CDC42BPA: variants seen among roughly 807,000 people sequenced by gnomAD.
CDC42BPA encodes CDC42 binding protein kinase alpha.
Under a neutral mutation model 223.5 loss-of-function variants are expected in CDC42BPA, and 80 were observed. That is an observed-to-expected ratio of 0.36 (90% CI 0.30 to 0.43). The LOEUF (loss-of-function observed/expected upper bound fraction) is 0.43. Ranked by LOEUF, CDC42BPA falls within the 20% of genes least tolerant of loss-of-function variation. CDC42BPA has a pLI of 1.00. For synonymous variants in CDC42BPA, 694 were observed against 718.6 expected (o/e 0.97, Z 0.55); for missense variants, 1,743 against 2,099.9 (o/e 0.83, Z 3.32).
intron 2 of CDC42BPA, among the ~76,000 whole-genome samples, chr1:227,253,235 A>AGC (rs1682354799): frequency 8.7e-6 from 1 of 114,758 alleles, no homozygotes. Flanking sequence ...GGAGGGAGAG[A>AGC]GAGAAAGAGA....
chr1:227,127,004 A>C (rs879515617), intron 11 of CDC42BPA, among the ~76,000 whole-genome samples: 1 of 152,244 alleles, frequency 6.6e-6, no homozygotes, highest in Non-Finnish European at 1.5e-5. Flanking sequence ...CATGATTGTC[A>C]GAATTAAAAA....
At chr1:227,187,779 A>G (rs1256421062) in intron 5 of CDC42BPA, among the ~76,000 whole-genome samples, 1 of 151,080 alleles carries the variant, frequency 6.6e-6, no homozygotes, top group African/African-American at 2.4e-5. Flanking sequence ...GCCAGAGGAA[A>G]AAAACACCTT....
chr1:227,030,065 G>A (rs993315356), intron 29 of CDC42BPA, among the ~76,000 whole-genome samples: 9 of 151,648 alleles, frequency 5.9e-5, no homozygotes, highest in African/African-American at 1.9e-4. Flanking sequence ...CCCAGGAGGC[G>A]GAGGCTGCAA....
chr1:227,144,444 G>A (rs536345836), intron 8 of CDC42BPA, among the ~76,000 whole-genome samples: 6 of 151,862 alleles, frequency 4.0e-5, no homozygotes, highest in East Asian at 1.9e-4. Flanking sequence ...GTGTGGTGGC[G>A]CACGCCTACA....
At chr1:227,046,706 T>C (rs1369166098) in intron 23 of CDC42BPA, among the ~76,000 whole-genome samples, 1 of 152,180 alleles carries the variant, frequency 6.6e-6, no homozygotes. Flanking sequence ...ATTTTGGTTG[T>C]CTGAAGCTTG....
chr1:227,278,839 T>C (rs1271768494), intron 1 of CDC42BPA, among the ~76,000 whole-genome samples: 4 of 152,186 alleles, frequency 2.6e-5, no homozygotes, highest in African/African-American at 4.8e-5. Flanking sequence ...TATCAGTATG[T>C]CTGACATTCT....
intron 30 of CDC42BPA, among the ~76,000 whole-genome samples, chr1:227,026,968 T>C (rs894995093): frequency 6.6e-6 from 1 of 151,960 alleles, no homozygotes; most frequent in Non-Finnish European, 1.5e-5. Context: ...TTAAAGAAAA[T>C]TTTTTATAGA....
rs1331394973 is a variant in CDC42BPA at position 227,276,321 on chromosome 1, C to T, written c.179-22166G>A. ...CCCGTCTGGGAGGTGAGGAGCGTGT[C>T]TGGGAGGTGAGGAGCGTCTCTGCCC... is the stretch of plus-strand genomic sequence containing the variant. On this transcript the variant is annotated intron_variant, in intron 1 of 36. Coordinates refer to ENST00000366766, the MANE Select transcript of CDC42BPA (RefSeq NM_001394014.1). 4.0e-5 allele frequency among the ~76,000 whole-genome samples: 6 copies of T among 151,372 alleles called. No individual in the cohort carries two copies. In the East Asian group the frequency reaches 1.2e-3, roughly 30 times the overall value.
chr1:227,292,176 T>A (rs1689810532), intron 1 of CDC42BPA, among the ~76,000 whole-genome samples: 1 of 152,006 alleles, frequency 6.6e-6, no homozygotes, highest in Admixed American at 6.6e-5. Flanking sequence ...AGAGATGGGG[T>A]GTCACCATAT....
At chr1:227,225,059 C>A (rs1348983349) in intron 2 of CDC42BPA, among the ~76,000 whole-genome samples, 1 of 152,108 alleles carries the variant, frequency 6.6e-6, no homozygotes, top group Non-Finnish European at 1.5e-5. Context: ...CAAATATCCA[C>A]ATAATGGACT....
intron 2 of CDC42BPA, among the ~76,000 whole-genome samples, chr1:227,217,732 T>C (rs1301493962): frequency 6.6e-6 from 1 of 152,178 alleles, no homozygotes; most frequent in Non-Finnish European, 1.5e-5. Context: ...TGGTTCACTA[T>C]GCTCCAGCTA....
chr1:227,191,303 C>T (rs917272607), intron 5 of CDC42BPA, among the ~76,000 whole-genome samples: 2 of 146,420 alleles, frequency 1.4e-5, no homozygotes, highest in African/African-American at 5.0e-5. Context: ...CAAGATCGCA[C>T]CACGGCACTC....
intron 1 of CDC42BPA, among the ~76,000 whole-genome samples, chr1:227,300,280 A>G (rs1177902198): frequency 6.6e-6 from 1 of 152,182 alleles, no homozygotes; most frequent in Non-Finnish European, 1.5e-5. Context: ...AACTAAAAGT[A>G]TATCTACCAT....
intron 1 of CDC42BPA, among the ~76,000 whole-genome samples, chr1:227,302,503 C>T (rs1048030571): frequency 2.6e-5 from 4 of 152,166 alleles, no homozygotes; most frequent in African/African-American, 9.7e-5. Context: ...TGATTCTTAT[C>T]CTTTGTATTC....
chr1:227,175,236 T>C (rs1666751670), intron 5 of CDC42BPA, among the ~76,000 whole-genome samples: 1 of 152,112 alleles, frequency 6.6e-6, no homozygotes. Context: ...ACAGCAACTG[T>C]TCCTAAAATA....
intron 1 of CDC42BPA, among the ~76,000 whole-genome samples, chr1:227,267,838 C>T (rs1238326957): frequency 6.6e-6 from 1 of 152,138 alleles, no homozygotes; most frequent in Non-Finnish European, 1.5e-5. Flanking sequence ...AATCACCTCC[C>T]ACCAGGTCCC....
chr1:227,231,442 T>C (rs2147988093), intron 2 of CDC42BPA, among the ~76,000 whole-genome samples: 2 of 152,262 alleles, frequency 1.3e-5, no homozygotes, highest in South Asian at 4.1e-4. Context: ...ACAATAAACA[T>C]ATGTGTGCAT....
intron 2 of CDC42BPA, among the ~76,000 whole-genome samples, chr1:227,245,419 T>C (rs968870982): frequency 6.6e-6 from 1 of 151,228 alleles, no homozygotes; most frequent in South Asian, 2.1e-4. Context: ...GCCTCCCGAG[T>C]AGCTGGGACC....
intron 14 of CDC42BPA, among the ~76,000 whole-genome samples, chr1:227,102,643 A>G (rs187950281): frequency 5.3e-5 from 8 of 152,338 alleles, no homozygotes; most frequent in African/African-American, 1.9e-4. Flanking sequence ...TTATGGTTAC[A>G]GATGCATATC....
Sources: gnomAD v4.1 joint callset for allele counts (sites outside exome capture counted in the v4.1 genomes callset) on GRCh38, gnomAD v4.1.1 for gene constraint, MANE v1.5 for transcripts, NCBI Gene and HGNC (gene_info 2026-07-23, HGNC 2026-07-21) for gene names.